CHST8: variants seen among roughly 807,000 people sequenced by gnomAD.
CHST8 encodes carbohydrate sulfotransferase 8.
A neutral mutation model predicts 15.0 loss-of-function variants in CHST8; 10 were observed. The ratio of observed to expected loss-of-function variants is 0.67; its 90% CI spans 0.41 to 1.13. The LOEUF is 1.13. Ranked by LOEUF, CHST8 falls within the 50% of genes most tolerant of loss-of-function variation. The probability of loss-of-function intolerance (pLI) is 0.00; values close to 1 mark genes in which losing one functional copy is unlikely to be tolerated. For synonymous variants in CHST8, 259 were observed against 256.6 expected, an observed-to-expected ratio of 1.01 and a Z score of -0.09; for missense variants, 634 against 608.2, an observed-to-expected ratio of 1.04 and a Z score of -0.45.
intron 3 of CHST8, among the ~76,000 whole-genome samples, chr19:33,706,665 G>A (rs1046305859): frequency 1.3e-5 from 2 of 152,274 alleles, no homozygotes; most frequent in East Asian, 1.9e-4. Context: ...CCTTGCCCAC[G>A]ACCCGCACAG....
rs190755080 is a variant in CHST8, at chr19:33,674,643, G to A, written c.-87+6800G>A. On this transcript the variant is annotated intron_variant, in intron 2 of 4. Coordinates refer to ENST00000650847, the MANE Select transcript of CHST8 (RefSeq NM_001127895.2). ...TGAGGCGGAGAGCGGGCGGAGAGGG[G>A]ATGGAGCAGGGAGAGGAGCGGGAGG... Among the ~76,000 whole-genome samples, 413 of 152,298 alleles carry A rather than the reference G, an allele frequency of 2.7e-3. 1 individual carries two copies. Among genetic ancestry groups the A allele is most frequent in the Middle Eastern group, 6.8e-3 (2 of 294 alleles).
intron 3 of CHST8, among the ~76,000 whole-genome samples, chr19:33,705,897 T>G (rs1599569630): frequency 6.6e-6 from 1 of 151,924 alleles, no homozygotes; most frequent in Non-Finnish European, 1.5e-5. Context: ...CATCCAGGGG[T>G]GTGGTATGGG....
chr19:33,677,175 G>T (rs28602263), intron 2 of CHST8, among the ~76,000 whole-genome samples: 80 of 152,222 alleles, frequency 5.3e-4, no homozygotes, highest in African/African-American at 1.8e-3. Context: ...GGGCACTGGG[G>T]CATGAGTGTG....
chr19:33,731,417 G>A (rs1056738719), intron 3 of CHST8, among the ~76,000 whole-genome samples: 2 of 152,134 alleles, frequency 1.3e-5, no homozygotes, highest in African/African-American at 2.4e-5. Context: ...AAACTGTCAC[G>A]GCACTGGTGG....
chr19:33,669,724 A>T (rs916108872), intron 2 of CHST8, among the ~76,000 whole-genome samples: 16 of 152,192 alleles, frequency 1.1e-4, no homozygotes. Flanking sequence ...CTGGAGTGCC[A>T]AACTATTAAC....
At position 33,686,547 on chromosome 19, in the gene CHST8, T is replaced by C. The variant is rs894142709; in HGVS notation, c.-86-2629T>C. On this transcript the variant is annotated intron_variant, in intron 2 of 4. Coordinates refer to ENST00000650847, the MANE Select transcript of CHST8 (RefSeq NM_001127895.2). Reference sequence around the variant, plus strand: ...GATGATGATCACACATGCTCCCGAGTCCCCTTTGTTCATCAGGTAGAGCCT... The same window carrying C: ...GATGATGATCACACATGCTCCCGAGCCCCCTTTGTTCATCAGGTAGAGCCT... 2.6e-5 allele frequency among the ~76,000 whole-genome samples: 4 copies of C among 151,934 alleles called. No homozygotes were observed. The South Asian group carries it at 8.3e-4, about 32-fold the overall frequency.
chr19:33,735,203 C>A (rs1457900623), intron 3 of CHST8, among the ~76,000 whole-genome samples: 2 of 151,534 alleles, frequency 1.3e-5, no homozygotes, highest in Non-Finnish European at 2.9e-5. Flanking sequence ...CTGGCCCCTC[C>A]CCAGCTGGCT....
At chr19:33,707,116 G>T (rs1223949950) in intron 3 of CHST8, among the ~76,000 whole-genome samples, 1 of 152,102 alleles carries the variant, frequency 6.6e-6, no homozygotes, top group Non-Finnish European at 1.5e-5. Context: ...CTAAAGTGCA[G>T]GTCAGAGTTC....
intron 2 of CHST8, among the ~76,000 whole-genome samples, chr19:33,688,288 G>T (rs969229901): frequency 1.1e-4 from 16 of 152,222 alleles, no homozygotes; most frequent in African/African-American, 3.9e-4. Flanking sequence ...GGTATGTGGG[G>T]GATGGGGAAT....
intron 3 of CHST8, among the ~76,000 whole-genome samples, chr19:33,749,433 T>TCATCCCCCCATCTCCCCAC (rs979902112): frequency 1.8e-5 from 1 of 55,868 alleles, no homozygotes; most frequent in East Asian, 6.5e-4. Flanking sequence ...ATCCTCCCCA[T>TCATCCCCCCATCTCCCCAC]CATCCCCCCA....
intron 1 of CHST8, among the ~76,000 whole-genome samples, chr19:33,650,513 C>CTTTTTTTTTTTTTTTTTT (rs1356639318): frequency 5.4e-5 from 2 of 36,854 alleles, no homozygotes; most frequent in Non-Finnish European, 1.0e-4. Context: ...TTTTCTTTTT[C>CTTTTTTTTTTTTTTTTTT]TTTTCTTTTT....
At chr19:33,718,198 TCA>T (rs1460401929) in intron 3 of CHST8, among the ~76,000 whole-genome samples, 7 of 151,796 alleles carry the variant, frequency 4.6e-5, no homozygotes, top group African/African-American at 1.7e-4. Context: ...AGTTGCCTGG[TCA>T]CTGGATTGTC....
chr19:33,736,132 C>T (rs1248741740), intron 3 of CHST8, among the ~76,000 whole-genome samples: 1 of 152,194 alleles, frequency 6.6e-6, no homozygotes, highest in Non-Finnish European at 1.5e-5. Context: ...AGACCCTCAG[C>T]CTGAGAACAG....
chr19:33,765,787 T>C (rs565536662), intron 3 of CHST8, among the ~76,000 whole-genome samples: 15 of 152,158 alleles, frequency 9.9e-5, no homozygotes, highest in Admixed American at 1.3e-4. Context: ...TCTTGATCTC[T>C]TGTGGTCTCG....
intron 1 of CHST8, among the ~76,000 whole-genome samples, chr19:33,636,272 A>G (rs1972199893): frequency 6.6e-6 from 1 of 152,208 alleles, no homozygotes; most frequent in Admixed American, 6.5e-5. Flanking sequence ...CAAGGTTTAT[A>G]GGCAGACAGC....
intron 2 of CHST8, among the ~76,000 whole-genome samples, chr19:33,674,342 G>A (rs895104292): frequency 2.6e-5 from 4 of 152,188 alleles, no homozygotes; most frequent in Admixed American, 6.5e-5. Context: ...TGCAGGAGCT[G>A]CCATCGGCAT....
intron 3 of CHST8, among the ~76,000 whole-genome samples, chr19:33,755,959 G>A (rs1974537080): frequency 6.6e-6 from 1 of 152,184 alleles, no homozygotes; most frequent in South Asian, 2.1e-4. Flanking sequence ...CTTGAAAGGG[G>A]AATTCAGGGA....
chr19:33,650,524 T>TTTC (rs1972430793), intron 1 of CHST8, among the ~76,000 whole-genome samples: 3 of 106,630 alleles, frequency 2.8e-5, no homozygotes, highest in South Asian at 3.8e-4. Flanking sequence ...TTTTCTTTTT[T>TTTC]TTTTTTTTTT....
chr19:33,653,197 C>G (rs1159142164), intron 1 of CHST8, among the ~76,000 whole-genome samples: 1 of 152,162 alleles, frequency 6.6e-6, no homozygotes, highest in African/African-American at 2.4e-5. Flanking sequence ...TGTAAACTCT[C>G]TTGGACATTG....
Sources: gnomAD v4.1 joint callset for allele counts (sites outside exome capture counted in the v4.1 genomes callset) on GRCh38, gnomAD v4.1.1 for gene constraint, MANE v1.5 for transcripts, NCBI Gene and HGNC (gene_info 2026-07-23, HGNC 2026-07-21) for gene names.